Variants in RAVER2 observed in about 807,000 individuals in gnomAD.
RAVER2 encodes the protein ribonucleoprotein PTB-binding 2.
A neutral mutation model predicts 78.1 loss-of-function variants in RAVER2; 46 were observed. The ratio of observed to expected loss-of-function variants is 0.59; its 90% CI spans 0.46 to 0.75. RAVER2 has a LOEUF of 0.75. Ranked by LOEUF, RAVER2 falls within the 30% of genes least tolerant of loss-of-function variation. The pLI, the probability that RAVER2 is intolerant of heterozygous loss-of-function variation, is 0.00. For missense variants in RAVER2, 793 were observed against 837.5 expected (o/e 0.95, Z 0.66); for synonymous variants, 311 against 313.3 (o/e 0.99, Z 0.08).
At position 64,794,720 on chromosome 1, in the gene RAVER2, A is replaced by G. The variant is rs78807752; in HGVS notation, c.1105+5206A>G. ...TTGTTTGTCTTCTTATCAAGTTGTA[A>G]GAGTGTTTTTTTATTTTACATACAA... On this transcript the variant is annotated intron_variant, in intron 5 of 11. Transcript: ENST00000294428. Among the ~76,000 whole-genome samples, 39 of 152,194 alleles carry G rather than the reference A, an allele frequency of 2.6e-4. No individual in the cohort carries two copies. The East Asian group carries it at 3.7e-3, about 14-fold the overall frequency.
At position 64,745,831 on chromosome 1, in the gene RAVER2, G is replaced by A. The variant is rs1651516672; in HGVS notation, c.249+410G>A. ...TCGGGAGCACCTTGGCAGGGGCGAG[G>A]GCTCCAACGTATAGTCCCCGGTGCT... is the stretch of plus-strand genomic sequence containing the variant. On this transcript the variant is annotated intron_variant, in intron 1 of 11. Coordinates refer to ENST00000294428, the Ensembl canonical transcript of RAVER2. This position sits in a 1 kb window ranked among gnomAD's most constrained non-coding sequence, Gnocchi z 4.3. 6.6e-6 allele frequency among the ~76,000 whole-genome samples: 1 copy of A among 152,130 alleles called. No homozygotes were observed.
chr1:64,776,162 C>A lies in RAVER2; in HGVS notation c.317-1461C>A, dbSNP rs546977799. On this transcript the variant is annotated intron_variant, in intron 2 of 11. Coordinates refer to ENST00000294428, the Ensembl canonical transcript of RAVER2. ...ACCAGTATTTACAAACTGTTGTTGG[C>A]TCGTTTGTTTTAGGGAAACAGAATT... Among the ~76,000 whole-genome samples, 193 of 151,966 alleles carry A rather than the reference C, an allele frequency of 1.3e-3. 1 individual carries two copies. The highest frequency in any genetic ancestry group is 4.5e-3 in the African/African-American group (185 of 41,454).
intron 1 of RAVER2, among the ~76,000 whole-genome samples, chr1:64,762,308 T>C (rs1008406152): frequency 6.6e-6 from 1 of 152,102 alleles, no homozygotes; most frequent in Admixed American, 6.5e-5. Context: ...CATTTGTGGA[T>C]TGGAAGACTC....
intron 1 of RAVER2, among the ~76,000 whole-genome samples, chr1:64,756,960 A>G (rs1557582131): frequency 6.6e-6 from 1 of 152,338 alleles, no homozygotes; most frequent in East Asian, 1.9e-4. Context: ...TTCTGATGAC[A>G]TCATATCAGG....
At chr1:64,819,761 G>A (rs1451870842) in intron 11 of RAVER2, among the ~76,000 whole-genome samples, 1 of 152,202 alleles carries the variant, frequency 6.6e-6, no homozygotes, top group Non-Finnish European at 1.5e-5. Flanking sequence ...AATGCACGTT[G>A]TCTTGAGACA....
intron 1 of RAVER2, among the ~76,000 whole-genome samples, chr1:64,754,320 A>G (rs980413612): frequency 5.3e-5 from 8 of 152,160 alleles, no homozygotes; most frequent in Non-Finnish European, 7.3e-5. Flanking sequence ...ATGCAGCTAT[A>G]TTGTTAGTGT....
intron 4 of RAVER2, 150 bp from the exon 5 acceptor site, chr1:64,789,238 A>G: frequency 1.8e-6 from 1 of 570,772 alleles, no homozygotes; most frequent in South Asian, 4.5e-5. Flanking sequence ...TGCAGTAGAG[A>G]GTATAAAATA....
chr1:64,805,744 TA>T (rs1009326698), intron 8 of RAVER2, among the ~76,000 whole-genome samples: 1 of 151,898 alleles, frequency 6.6e-6, no homozygotes, highest in African/African-American at 2.4e-5. Context: ...ACCAATAATT[TA>T]AAAAAAAGTC....
intron 5 of RAVER2, among the ~76,000 whole-genome samples, chr1:64,801,911 C>T (rs984977306): frequency 1.3e-5 from 2 of 152,220 alleles, no homozygotes; most frequent in African/African-American, 4.8e-5. Context: ...ATAGGCAGAA[C>T]AGTGGCATGG....
In RAVER2 at chr1:64,812,867, A is replaced by G. The variant is rs762989031; in HGVS notation, c.1792+18A>G. On this transcript the variant is annotated intron_variant, in intron 10 of 11. Coordinates refer to ENST00000294428, the Ensembl canonical transcript of RAVER2. ...CTTATCATGTAAGTAGGGGCTCAGT[A>G]TTCTTGTTGTGGAGTTTTACTGAAT... The G allele has an allele frequency of 4.0e-5, 61 of 1,519,420 alleles. 1 individual carries two copies. In the East Asian group the frequency reaches 1.2e-3, roughly 30 times the overall value. The allele number at this position is 1,519,420 out of a possible 1,614,324, so 94.1% of individuals were successfully genotyped here.
chr1:64,765,455 A>G (rs1209937378), intron 1 of RAVER2, among the ~76,000 whole-genome samples: 1 of 152,242 alleles, frequency 6.6e-6, no homozygotes, highest in Non-Finnish European at 1.5e-5. Flanking sequence ...GCCAGGTGGA[A>G]TGAGTGAATT....
At chr1:64,749,163 C>T (rs1651625430) in intron 1 of RAVER2, among the ~76,000 whole-genome samples, 1 of 151,764 alleles carries the variant, frequency 6.6e-6, no homozygotes, top group South Asian at 2.1e-4. Flanking sequence ...TGATTAGTCC[C>T]GCATTGGATT....
chr1:64,816,735 C>G (rs992856822), intron 11 of RAVER2, among the ~76,000 whole-genome samples: 1 of 152,150 alleles, frequency 6.6e-6, no homozygotes, highest in African/African-American at 2.4e-5. Flanking sequence ...CTTCCTTACA[C>G]CTTATACAAA....
At chr1:64,763,954 A>ACACACACACACC (rs1186925233) in intron 1 of RAVER2, among the ~76,000 whole-genome samples, 41 of 149,140 alleles carry the variant, frequency 2.7e-4, no homozygotes, top group African/African-American at 9.7e-4. Flanking sequence ...ACACACACAC[A>ACACACACACACC]CCCCTACCAT....
chr1:64,770,441 A>G (rs973836446), intron 2 of RAVER2, among the ~76,000 whole-genome samples: 14 of 152,070 alleles, frequency 9.2e-5, no homozygotes, highest in African/African-American at 2.9e-4. Context: ...GAACGGATCA[A>G]AGTGCTTCCT....
exon 12 of RAVER2, chr1:64,830,962 T>C: frequency 6.2e-7 from 1 of 1,613,672 alleles, no homozygotes; most frequent in Non-Finnish European, 8.5e-7. Context: ...GGAAACTTAC[T>C]TAAAAAAGAA....
chr1:64,830,719 G>A, intron 11 of RAVER2, 120 bp from the exon 12 acceptor site: 1 of 842,760 alleles, frequency 1.2e-6, no homozygotes, highest in Non-Finnish European at 1.8e-6. Context: ...TGATAGTTTG[G>A]GTATTTATCC....
chr1:64,758,749 A>C (rs1476299294), intron 1 of RAVER2, among the ~76,000 whole-genome samples: 1 of 152,148 alleles, frequency 6.6e-6, no homozygotes, highest in African/African-American at 2.4e-5. Flanking sequence ...CCCTAAACAG[A>C]AAACCCAATG....
intron 1 of RAVER2, among the ~76,000 whole-genome samples, chr1:64,762,987 C>T (rs1339252739): frequency 6.6e-6 from 1 of 152,182 alleles, no homozygotes; most frequent in Non-Finnish European, 1.5e-5. Context: ...CAATATTTGA[C>T]AAAGGAGACT....
Sources: allele counts gnomAD v4.1 joint callset (sites outside exome capture counted in the v4.1 genomes callset), GRCh38; gene constraint gnomAD v4.1.1; non-coding constraint Gnocchi (gnomAD v3.1); transcripts MANE v1.5; gene names NCBI Gene and HGNC (gene_info 2026-07-23, HGNC 2026-07-21).